CTNNA1: variants seen among roughly 807,000 people sequenced by gnomAD.
CTNNA1 encodes the protein catenin alpha-1.
In CTNNA1, 37 loss-of-function variants were observed where a neutral mutation model predicts 98.4. That is an observed-to-expected ratio of 0.38 (90% CI 0.29 to 0.49). The LOEUF (loss-of-function observed/expected upper bound fraction) is 0.49, where lower values mean the gene tolerates loss of function less well. Ranked by LOEUF, CTNNA1 falls within the 20% of genes least tolerant of loss-of-function variation. The probability of loss-of-function intolerance (pLI) is 0.95; values close to 1 mark genes in which losing one functional copy is unlikely to be tolerated. For missense variants in CTNNA1, 761 were observed against 1,147.2 expected (o/e 0.66, Z 4.86); for synonymous variants, 404 against 413.2 (o/e 0.98, Z 0.27).
At position 138,852,686 on chromosome 5, in the gene CTNNA1, A is replaced by G. The variant is rs115461984; in HGVS notation, c.1062+24968A>G. Among the ~76,000 whole-genome samples the G allele has an allele frequency of 4.3e-3, 654 of 152,152 alleles. 1 individual carries two copies. The highest frequency in any genetic ancestry group is 0.015 in the African/African-American group (615 of 41,502). ...ACACACATGCCTTTTCCATAAATGA[A>G]ATTTATATACATGCTGATTCCCCTG... On this transcript the variant is annotated intron_variant, in intron 7 of 17. Coordinates refer to ENST00000302763, the MANE Select transcript of CTNNA1 (RefSeq NM_001903.5).
chr5:138,847,939 T>C (rs1046114703), intron 7 of CTNNA1, among the ~76,000 whole-genome samples: 1 of 152,224 alleles, frequency 6.6e-6, no homozygotes, highest in African/African-American at 2.4e-5. Context: ...GGAGCACTTA[T>C]AATTACCTGT....
In CTNNA1 at chr5:138,874,498, A is replaced by G. The variant is rs1751070636; in HGVS notation, c.1063-11714A>G. 3.1e-6 allele frequency: 5 copies of G among 1,608,798 alleles called. No homozygotes were observed. Among genetic ancestry groups the G allele is most frequent in the Non-Finnish European group, 3.4e-6 (4 of 1,177,068 alleles). On this transcript the variant is annotated intron_variant, in intron 7 of 17. Transcript: ENST00000302763. The surrounding 1 kb of genome is among the most constrained non-coding windows in gnomAD (Gnocchi z 4.1). ...GGGCAGGCAGCATTTTTAAAACCAT[A>G]CTCATTGCATATATTGCTGCCAGCA...
chr5:138,860,777 G>A (rs186936865), intron 7 of CTNNA1, among the ~76,000 whole-genome samples: 176 of 152,200 alleles, frequency 1.2e-3, no homozygotes, highest in African/African-American at 4.0e-3. Context: ...GTTTTAATAC[G>A]GTAATAAAAT....
intron 3 of CTNNA1, among the ~76,000 whole-genome samples, chr5:138,794,929 C>T (rs1299821136): frequency 6.6e-6 from 1 of 152,030 alleles, no homozygotes; most frequent in Non-Finnish European, 1.5e-5. Context: ...GCAGGTAGAT[C>T]ACCTGAGGTC....
intron 7 of CTNNA1, among the ~76,000 whole-genome samples, chr5:138,834,908 A>G (rs1561575923): frequency 6.6e-6 from 1 of 152,114 alleles, no homozygotes; most frequent in Non-Finnish European, 1.5e-5. Context: ...GATTATCATT[A>G]GTTCTTATAG....
chr5:138,775,783 C>G (rs1488823332), intron 1 of CTNNA1, among the ~76,000 whole-genome samples: 1 of 132,140 alleles, frequency 7.6e-6, no homozygotes, highest in Non-Finnish European at 1.5e-5. Flanking sequence ...AGTGCAGTGG[C>G]GCGATCTCGG....
At chr5:138,837,148 T>C (rs1403305530) in intron 7 of CTNNA1, among the ~76,000 whole-genome samples, 2 of 152,226 alleles carry the variant, frequency 1.3e-5, no homozygotes, top group Non-Finnish European at 2.9e-5. Flanking sequence ...TAAAAAATTA[T>C]AGTATACATT....
chr5:138,800,171 G>A (rs973519485), intron 3 of CTNNA1, among the ~76,000 whole-genome samples: 6 of 152,106 alleles, frequency 3.9e-5, no homozygotes, highest in Non-Finnish European at 7.4e-5. Flanking sequence ...AATCCATGAA[G>A]CTGTAGCTGC....
intron 7 of CTNNA1, among the ~76,000 whole-genome samples, chr5:138,865,056 C>T (rs1489519318): frequency 6.6e-6 from 1 of 152,152 alleles, no homozygotes; most frequent in Non-Finnish European, 1.5e-5. Flanking sequence ...TCGTGATCCA[C>T]CCGCCTCTGC....
At chr5:138,894,263 G>A (rs1165981855) in intron 9 of CTNNA1, among the ~76,000 whole-genome samples, 2 of 143,684 alleles carry the variant, frequency 1.4e-5, no homozygotes, top group Admixed American at 1.4e-4. Flanking sequence ...ATAATATAGA[G>A]CCTTTACTTT....
chr5:138,824,854 C>T, intron 6 of CTNNA1, 55 bp downstream of exon 6: 2 of 1,545,690 alleles, frequency 1.3e-6, no homozygotes, highest in Non-Finnish European at 1.8e-6. Flanking sequence ...CAAAAGATAA[C>T]AGATTTCTGG....
In CTNNA1 at chr5:138,933,774, C is replaced by A. The variant is rs28363502; in HGVS notation, c.2434-28C>A. ...CACGAGGCTGGAGGTCAGGCCGGTGCTTCTTACCACCCCTGTCTGCCTCGT... is the reference window on the plus strand; with the variant it reads ...CACGAGGCTGGAGGTCAGGCCGGTGATTCTTACCACCCCTGTCTGCCTCGT... On this transcript the variant is annotated intron_variant, in intron 17 of 17. Coordinates refer to ENST00000302763, the MANE Select transcript of CTNNA1 (RefSeq NM_001903.5). The A allele has an allele frequency of 4.2e-3, 6,706 of 1,605,524 alleles. 249 individuals carry two copies. The African/African-American group carries it at 0.08, about 19-fold the overall frequency.
At chr5:138,784,257 A>G (rs1379535766) in intron 3 of CTNNA1, among the ~76,000 whole-genome samples, 6 of 152,286 alleles carry the variant, frequency 3.9e-5, no homozygotes, top group South Asian at 2.1e-4. Context: ...AATTTCAACA[A>G]TGATGTAGGT....
rs114263278 is a variant in CTNNA1 at position 138,909,531 on chromosome 5, A to T, written c.1389+5090A>T. ...CTCCACCACACTTGGCTAATTTTTAAAATTTTTTGTTTGCCCAGGCTGGTC... is the reference window on the plus strand; with the variant it reads ...CTCCACCACACTTGGCTAATTTTTATAATTTTTTGTTTGCCCAGGCTGGTC... On this transcript the variant is annotated intron_variant, in intron 10 of 17. Transcript: ENST00000302763. Among the ~76,000 whole-genome samples, 716 of 151,748 alleles carry T rather than the reference A, an allele frequency of 4.7e-3. 3 individuals carry two copies. Among genetic ancestry groups the T allele is most frequent in the African/African-American group, 0.015 (604 of 41,388 alleles).
At chr5:138,811,222 T>A (rs1166744581) in intron 4 of CTNNA1, among the ~76,000 whole-genome samples, 1 of 136,316 alleles carries the variant, frequency 7.3e-6, no homozygotes, top group South Asian at 2.5e-4. Flanking sequence ...GCAGAGACGC[T>A]CCTCACCTCC....
At chr5:138,832,551 TG>T (rs557384513) in intron 7 of CTNNA1, among the ~76,000 whole-genome samples, 3 of 152,352 alleles carry the variant, frequency 2.0e-5, no homozygotes, top group East Asian at 3.9e-4. Context: ...TAAAATGAAA[TG>T]TAATTAAATT....
intron 7 of CTNNA1, chr5:138,872,752 A>G (rs288037): frequency 0.26 from 94,084 of 357,350 alleles, 13,753 homozygotes; most frequent in Non-Finnish European, 0.3. Context: ...ATATAATTAC[A>G]TACATTTCTT....
intron 16 of CTNNA1, chr5:138,931,619 C>G (rs1181565206): frequency 1.0e-6 from 1 of 985,328 alleles, no homozygotes; most frequent in African/African-American, 1.7e-5. Context: ...TATCTTGACA[C>G]AAACCAGTCT....
At chr5:138,775,783 C>T (rs1488823332) in intron 1 of CTNNA1, among the ~76,000 whole-genome samples, 8 of 132,140 alleles carry the variant, frequency 6.1e-5, no homozygotes, top group Non-Finnish European at 1.1e-4. Flanking sequence ...AGTGCAGTGG[C>T]GCGATCTCGG....
Sources: allele counts gnomAD v4.1 joint callset (sites outside exome capture counted in the v4.1 genomes callset), GRCh38; gene constraint gnomAD v4.1.1; non-coding constraint Gnocchi (gnomAD v3.1); transcripts MANE v1.5; gene names NCBI Gene and HGNC (gene_info 2026-07-23, HGNC 2026-07-21).